TAB2: variants seen among roughly 807,000 people sequenced by gnomAD.
TAB2 encodes TGF-beta-activated kinase 1 and MAP3K7-binding protein 2.
Under a neutral mutation model 65.0 loss-of-function variants are expected in TAB2, and 3 were observed. The ratio of observed to expected loss-of-function variants is 0.05; its 90% CI spans 0.02 to 0.12. TAB2 has a LOEUF of 0.12. Among genes scored for constraint, TAB2 ranks in the 10% least tolerant of loss-of-function variants. The pLI is 1.00. For synonymous variants in TAB2, 298 were observed against 285.1 expected, an observed-to-expected ratio of 1.05 and a Z score of -0.46; for missense variants, 623 against 840.3, an observed-to-expected ratio of 0.74 and a Z score of 3.20.
chr6:149,311,524 CAGA>C (rs1458950589), intron 1 of TAB2, among the ~76,000 whole-genome samples: 1 of 152,204 alleles, frequency 6.6e-6, no homozygotes, highest in African/African-American at 2.4e-5. Context: ...TGTATGGGGT[CAGA>C]AGATCTATTC....
chr6:149,308,362 A>G (rs143675863), intron 1 of TAB2, among the ~76,000 whole-genome samples: 2,682 of 152,288 alleles, frequency 0.018, 39 homozygotes, highest in South Asian at 0.041. Flanking sequence ...CCAACACTGG[A>G]GTTTGGCTTT....
intron 1 of TAB2, among the ~76,000 whole-genome samples, chr6:149,341,116 A>G (rs1780109576): frequency 2.0e-5 from 3 of 152,138 alleles, no homozygotes. Context: ...TACCGGATCT[A>G]TATATAACTT....
chr6:149,237,386 T>C (rs1208945572), intron 1 of TAB2, among the ~76,000 whole-genome samples: 1 of 152,180 alleles, frequency 6.6e-6, no homozygotes, highest in East Asian at 1.9e-4. Flanking sequence ...TCCCTGAAGA[T>C]GCAATGTGGT....
intron 3 of TAB2, among the ~76,000 whole-genome samples, chr6:149,380,693 A>G (rs1335869925): frequency 1.3e-5 from 2 of 152,224 alleles, no homozygotes; most frequent in Non-Finnish European, 2.9e-5. Flanking sequence ...TTAGTCATAT[A>G]TGTATCTGCA....
chr6:149,331,700 C>T (rs1779790388), intron 1 of TAB2, among the ~76,000 whole-genome samples: 1 of 152,010 alleles, frequency 6.6e-6, no homozygotes, highest in Non-Finnish European at 1.5e-5. Context: ...GAGGAAGTTC[C>T]CTTTTTATTT....
rs372342262 is a variant in TAB2, at chr6:149,344,837, A to G, written c.-89-25072A>G. ...ACCTGCAGTTTCTCACTTAATCCTC[A>G]CTACTGGAATATTGTAAAAAGTAAC... On this transcript the variant is annotated intron_variant, in intron 1 of 6. Transcript: ENST00000637181. 1.6e-4 allele frequency among the ~76,000 whole-genome samples: 24 copies of G among 152,308 alleles called. No individual in the cohort carries two copies. In the East Asian group the frequency reaches 3.1e-3, roughly 20 times the overall value.
intron 1 of TAB2, among the ~76,000 whole-genome samples, chr6:149,342,287 A>G (rs1780154961): frequency 6.6e-6 from 1 of 152,182 alleles, no homozygotes; most frequent in Non-Finnish European, 1.5e-5. Context: ...TGGAAATACG[A>G]TAGTGAAAGG....
At chr6:149,375,818 AAG>A (rs1180449274) in intron 2 of TAB2, among the ~76,000 whole-genome samples, 1 of 152,200 alleles carries the variant, frequency 6.6e-6, no homozygotes, top group Non-Finnish European at 1.5e-5. Context: ...TGTATCAATT[AAG>A]AGTTATTAGT....
At position 149,261,857 on chromosome 6, in the gene TAB2, G is replaced by A. The variant is rs559655068; in HGVS notation, c.-121+43081G>A. 6.0e-4 allele frequency among the ~76,000 whole-genome samples: 92 copies of A among 152,304 alleles called. 1 individual carries two copies. Among genetic ancestry groups the A allele is most frequent in the African/African-American group, 2.2e-3 (91 of 41,562 alleles). Reference sequence around the variant, plus strand: ...GCCTTGCCTTGCATGTGCAACTCAGGCTAATTTACTCCCTTGGGGAATAAA... The same window carrying A: ...GCCTTGCCTTGCATGTGCAACTCAGACTAATTTACTCCCTTGGGGAATAAA... On this transcript the variant is annotated intron_variant, in intron 1 of 1. Transcript: ENST00000606202.
intron 1 of TAB2, among the ~76,000 whole-genome samples, chr6:149,254,634 C>G (rs985112961): frequency 1.4e-4 from 21 of 152,208 alleles, no homozygotes; most frequent in Admixed American, 1.3e-4. Flanking sequence ...CTCTTCCTCC[C>G]TCAATGTGAC....
At chr6:149,391,907 AT>A (rs1233822986) in intron 3 of TAB2, among the ~76,000 whole-genome samples, 1 of 151,590 alleles carries the variant, frequency 6.6e-6, no homozygotes, top group African/African-American at 2.4e-5. Context: ...CACATATGAA[AT>A]TTTCATTTTG....
intron 1 of TAB2, among the ~76,000 whole-genome samples, chr6:149,349,176 T>C (rs1780404714): frequency 6.6e-6 from 1 of 151,938 alleles, no homozygotes; most frequent in Non-Finnish European, 1.5e-5. Context: ...ACCCCAGTGC[T>C]TTGGGAGACT....
rs1562437941 is a variant in TAB2 at position 149,369,950 on chromosome 6, G to A, written c.-48G>A. The A allele has an allele frequency of 6.0e-6, 9 of 1,494,424 alleles. No individual in the cohort carries two copies. Among genetic ancestry groups the A allele is most frequent in the Non-Finnish European group, 8.4e-6 (9 of 1,071,256 alleles). 92.6% of individuals were successfully genotyped at this position (1,494,424 alleles called of 1,614,324 possible). ...AGAGATGAGTACTATTTCCACTAAG[G>A]CCTAGAATTGCCTACTGTACAAATA... On this transcript the variant is annotated 5_prime_UTR_variant, in exon 2 of 7. Transcript: ENST00000637181.
chr6:149,267,650 C>T (rs371055780), intron 1 of TAB2, among the ~76,000 whole-genome samples: 48 of 152,146 alleles, frequency 3.2e-4, no homozygotes, highest in Middle Eastern at 6.8e-3. Flanking sequence ...CCGAGAAATG[C>T]GTCGTTAGGT....
chr6:149,406,739 A>G lies in TAB2; in HGVS notation c.1940-2838A>G, dbSNP rs140744077. On this transcript the variant is annotated intron_variant, in intron 6 of 6. Coordinates refer to ENST00000637181, the MANE Select transcript of TAB2 (RefSeq NM_001292034.3). ...TTTGTTTATTTTTTATTTTTTTGAG[A>G]CAGAGTTTCGCTGTTGTTGCCCAGG... Among the ~76,000 whole-genome samples the G allele has an allele frequency of 3.4e-3, 521 of 151,894 alleles. 3 individuals carry two copies. The highest frequency in any genetic ancestry group is 5.9e-3 in the Admixed American group (90 of 15,264).
In TAB2 at chr6:149,223,291, C is replaced by G. The variant is rs182847526; in HGVS notation, c.-121+4515C>G. The stretch of plus-strand genomic sequence containing the variant: ...TGGTTCTCAGAGCTTTGTGACCTGT[C>G]GATGAGGACATCTCAGTCAGTCTTT... On this transcript the variant is annotated intron_variant, in intron 1 of 1. Transcript: ENST00000606202. Among the ~76,000 whole-genome samples, 16 of 152,282 alleles carry G rather than the reference C, an allele frequency of 1.1e-4. 1 individual carries two copies. The highest frequency in any genetic ancestry group is 6.5e-4 in the Admixed American group (10 of 15,298).
intron 5 of TAB2, 82 bp downstream of exon 5, chr6:149,398,144 A>C: frequency 8.7e-7 from 1 of 1,145,940 alleles, no homozygotes. Flanking sequence ...CAGACTTATC[A>C]ATCATAATCT....
At chr6:149,394,990 G>A (rs974226346) in intron 3 of TAB2, among the ~76,000 whole-genome samples, 1 of 152,228 alleles carries the variant, frequency 6.6e-6, no homozygotes, top group Non-Finnish European at 1.5e-5. Context: ...CTTTAATGAC[G>A]AAACAGGCAG....
chr6:149,312,623 A>C (rs1045200890), intron 1 of TAB2, among the ~76,000 whole-genome samples: 4 of 152,216 alleles, frequency 2.6e-5, no homozygotes, highest in African/African-American at 9.6e-5. Flanking sequence ...TCAGCCTCCC[A>C]AAATGCTGGA....
Sources: gnomAD v4.1 joint callset for allele counts (sites outside exome capture counted in the v4.1 genomes callset) on GRCh38, gnomAD v4.1.1 for gene constraint, MANE v1.5 for transcripts, NCBI Gene and HGNC (gene_info 2026-07-23, HGNC 2026-07-21) for gene names.